Variants in ANKRD30BL observed in about 807,000 individuals in gnomAD.
ANKRD30BL encodes the protein ankyrin repeat domain 30B like, also known as putative ankyrin repeat domain-containing protein 30B-like.
Under a neutral mutation model 18.4 loss-of-function variants are expected in ANKRD30BL, and 20 were observed. The ratio of observed to expected loss-of-function variants is 1.09; its 90% CI spans 0.77 to 1.58. The LOEUF (loss-of-function observed/expected upper bound fraction) is 1.58. Ranked by LOEUF, ANKRD30BL falls within the 40% of genes most tolerant of loss-of-function variation. ANKRD30BL has a pLI of 0.00. For synonymous variants in ANKRD30BL, 72 were observed against 100.9 expected, an observed-to-expected ratio of 0.71 and a Z score of 1.72; for missense variants, 224 against 268.6, an observed-to-expected ratio of 0.83 and a Z score of 1.16.
upstream of ANKRD30BL, among the ~76,000 whole-genome samples, chr2:132,166,215 A>G (rs1237304643): frequency 6.6e-6 from 1 of 152,208 alleles, no homozygotes; most frequent in Non-Finnish European, 1.5e-5. Context: ...GTGAAGGATT[A>G]TTGAATCTTT....
intron 1 of ANKRD30BL, chr2:132,256,992 A>G: frequency 3.9e-6 from 2 of 515,622 alleles, no homozygotes; most frequent in Non-Finnish European, 7.7e-6. Flanking sequence ...CCGGGCCACC[A>G]GGAAAACACG....
At chr2:132,221,009 C>G (rs1397382935) in intron 1 of ANKRD30BL, among the ~76,000 whole-genome samples, 1 of 145,072 alleles carries the variant, frequency 6.9e-6, no homozygotes, top group Non-Finnish European at 1.5e-5. Context: ...CACCTCTGCC[C>G]CGCCGCCCTG....
At chr2:132,176,426 G>T (rs146167297) in intron 1 of ANKRD30BL, among the ~76,000 whole-genome samples, 18,190 of 152,016 alleles carry the variant, frequency 0.12, 1,546 homozygotes, top group Admixed American at 0.22. Flanking sequence ...TACTCAAGAG[G>T]CTGAGGCAGA....
chr2:132,174,059 A>C (rs1307268431), intron 1 of ANKRD30BL, among the ~76,000 whole-genome samples: 1 of 152,236 alleles, frequency 6.6e-6, no homozygotes. Flanking sequence ...CAACGAACAT[A>C]ACTAGGCCTA....
At chr2:132,204,088 A>G (rs1296924734) in intron 1 of ANKRD30BL, among the ~76,000 whole-genome samples, 1 of 152,258 alleles carries the variant, frequency 6.6e-6, no homozygotes, top group African/African-American at 2.4e-5. Context: ...GAAGATATAA[A>G]GATCTCAGCC....
At position 132,179,941 on chromosome 2, in the gene ANKRD30BL, T is replaced by C. The variant is rs572294937; in HGVS notation, n.442-22795A>G. Among the ~76,000 whole-genome samples, 614 of 152,332 alleles carry C rather than the reference T, an allele frequency of 4.0e-3. 7 individuals are homozygous for C. Among genetic ancestry groups the C allele is most frequent in the African/African-American group, 0.014 (570 of 41,580 alleles). ...TTTTTGAAGTTGTACAATATGTTTA[T>C]CTTTTAAGCTAAGAGTTGTGACAAA... On this transcript the variant is annotated intron_variant and non_coding_transcript_variant, in intron 1 of 4. Transcript: ENST00000470729.
intron 1 of ANKRD30BL, among the ~76,000 whole-genome samples, chr2:132,218,704 CA>C (rs1314726853): frequency 6.7e-6 from 1 of 149,752 alleles, no homozygotes; most frequent in African/African-American, 2.5e-5. Context: ...CAGAGTTGAA[CA>C]TACCTTATCA....
chr2:132,221,180 G>A (rs183432439), intron 1 of ANKRD30BL, among the ~76,000 whole-genome samples: 5,515 of 138,238 alleles, frequency 0.04, 492 homozygotes, highest in African/African-American at 0.13. Flanking sequence ...CACCCCATCC[G>A]CGAGGGAGGT....
intron 1 of ANKRD30BL, among the ~76,000 whole-genome samples, chr2:132,197,618 T>C (rs1678993951): frequency 6.6e-6 from 1 of 151,842 alleles, no homozygotes; most frequent in South Asian, 2.1e-4. Flanking sequence ...CTTATTATCT[T>C]TCTTAATTAT....
intron 1 of ANKRD30BL, among the ~76,000 whole-genome samples, chr2:132,238,379 T>C (rs1300396424): frequency 6.6e-6 from 1 of 151,864 alleles, no homozygotes; most frequent in Non-Finnish European, 1.5e-5. Flanking sequence ...GAAATTTTCT[T>C]TTGATCGTAG....
chr2:132,233,062 A>G (rs1680065174), intron 1 of ANKRD30BL, among the ~76,000 whole-genome samples: 1 of 152,122 alleles, frequency 6.6e-6, no homozygotes, highest in Admixed American at 6.6e-5. Context: ...TTTTCAACCC[A>G]GAATTTCATA....
intron 1 of ANKRD30BL, among the ~76,000 whole-genome samples, chr2:132,180,788 AAAAT>A (rs1272470924): frequency 6.6e-6 from 1 of 152,208 alleles, no homozygotes; most frequent in Non-Finnish European, 1.5e-5. Flanking sequence ...GAAGGAAAAT[AAAAT>A]AGATTAACAA....
intron 1 of ANKRD30BL, among the ~76,000 whole-genome samples, chr2:132,221,348 C>T (rs1187182165): frequency 4.4e-4 from 64 of 145,844 alleles, no homozygotes; most frequent in East Asian, 8.4e-4. Flanking sequence ...CCCGGCCAGC[C>T]GCCCAGTCCG....
At chr2:132,188,149 A>C (rs1374002360) in intron 1 of ANKRD30BL, among the ~76,000 whole-genome samples, 2 of 152,090 alleles carry the variant, frequency 1.3e-5, no homozygotes, top group Admixed American at 6.6e-5. Flanking sequence ...TGTCTGATTT[A>C]TGTTGAAGAA....
At position 132,148,519 on chromosome 2, in the gene ANKRD30BL, G is replaced by A. The variant is rs556547108; in HGVS notation, c.680-291C>T. ...CATGTAGCTGGTATTACATATGCAT[G>A]CCACCCAGGCCCAGCTAATTTTTTG... On this transcript the variant is annotated intron_variant, in intron 5 of 5. Transcript: ENST00000409867. 4.8e-3 allele frequency among the ~76,000 whole-genome samples: 729 copies of A among 151,584 alleles called. 8 individuals are homozygous for A. The highest frequency in any genetic ancestry group is 0.017 in the African/African-American group (696 of 41,320).
intron 1 of ANKRD30BL, among the ~76,000 whole-genome samples, chr2:132,229,359 T>C (rs1679939020): frequency 6.6e-6 from 1 of 152,100 alleles, no homozygotes; most frequent in Non-Finnish European, 1.5e-5. Context: ...TGAACATTTC[T>C]TTGATTGAGC....
chr2:132,215,072 C>G (rs1009734303), intron 1 of ANKRD30BL, among the ~76,000 whole-genome samples: 4 of 151,994 alleles, frequency 2.6e-5, no homozygotes, highest in African/African-American at 9.7e-5. Flanking sequence ...GTATTCATCA[C>G]AGAGAGTTGA....
intron 1 of ANKRD30BL, among the ~76,000 whole-genome samples, chr2:132,213,839 C>G (rs1679421064): frequency 6.6e-6 from 1 of 152,022 alleles, no homozygotes; most frequent in Admixed American, 6.6e-5. Context: ...TAGACAGAAT[C>G]TTTCTTAGAA....
At chr2:132,256,743 G>A (rs72869453) in intron 1 of ANKRD30BL, among the ~76,000 whole-genome samples, 3 of 152,242 alleles carry the variant, frequency 2.0e-5, no homozygotes, top group South Asian at 4.1e-4. Flanking sequence ...ACCTGGTCCC[G>A]AAGGCGCACG....
Sources: allele counts gnomAD v4.1 joint callset (sites outside exome capture counted in the v4.1 genomes callset), GRCh38; gene constraint gnomAD v4.1.1; transcripts MANE v1.5; gene names NCBI Gene and HGNC (gene_info 2026-07-23, HGNC 2026-07-21).